The following EDA variants were observed in gnomAD, a reference collection of about 807,000 sequenced individuals.
EDA encodes the protein ectodysplasin-A.
EDA carries 2 observed loss-of-function variants against 23.6 expected under a neutral mutation model. The observed-to-expected ratio is 0.08, with a 90% CI of 0.03 to 0.27. EDA has a LOEUF of 0.27. Ranked by LOEUF, EDA falls within the 10% of genes least tolerant of loss-of-function variation. EDA has a pLI of 1.00. For synonymous variants in EDA, 131 were observed against 132.0 expected, an observed-to-expected ratio of 0.99 and a Z score of 0.05; for missense variants, 229 against 324.2, an observed-to-expected ratio of 0.71 and a Z score of 2.26.
intron 2 of EDA, among the ~76,000 whole-genome samples, chrX:69,971,733 G>A (rs900473739): frequency 2.8e-5 from 3 of 109,031 alleles, no homozygotes; most frequent in South Asian, 4.0e-4. Context: ...TGTGCTTCTC[G>A]CGTCTTCACA....
At chrX:69,741,828 C>T (rs1406816981) in intron 1 of EDA, among the ~76,000 whole-genome samples, 1 of 111,560 alleles carries the variant, frequency 9.0e-6, no homozygotes, top group African/African-American at 3.3e-5. Context: ...AGTAACCAGC[C>T]CTTTCTTAAT....
At chrX:69,979,119 C>T (rs1203013117) in intron 2 of EDA, among the ~76,000 whole-genome samples, 1 of 111,786 alleles carries the variant, frequency 8.9e-6, no homozygotes, top group East Asian at 2.8e-4. Context: ...TCTATGACTA[C>T]CTATTCTAGT....
intron 1 of EDA, among the ~76,000 whole-genome samples, chrX:69,872,340 C>CA (rs954388618): frequency 1.7e-4 from 19 of 111,269 alleles, no homozygotes; most frequent in African/African-American, 5.5e-4. Context: ...ATAACACAAA[C>CA]AAAAAAACAA....
intron 1 of EDA, among the ~76,000 whole-genome samples, chrX:69,710,054 T>G (rs757781804): frequency 2.2e-3 from 251 of 111,807 alleles, no homozygotes; most frequent in African/African-American, 7.3e-3. Context: ...TGGTGTTTTA[T>G]ACTTGAAGTC....
In EDA at chrX:69,630,185, G is replaced by T. The variant is rs181535462; in HGVS notation, c.396+13481G>T. On this transcript the variant is annotated intron_variant, in intron 1 of 7. Transcript: ENST00000374552. ...GTCTGTGTGAGGGAGTCAAGGAAGG[G>T]GAGGGGGAGAAAATGGAGGGACTGA... Among the ~76,000 whole-genome samples, 35 of 111,374 alleles carry T rather than the reference G, an allele frequency of 3.1e-4. No individual in the cohort carries two copies. In the East Asian group the frequency reaches 9.7e-3, roughly 31 times the overall value.
chrX:69,840,880 C>T (rs984500664), intron 1 of EDA, among the ~76,000 whole-genome samples: 2 of 111,603 alleles, frequency 1.8e-5, no homozygotes, highest in African/African-American at 6.5e-5. Context: ...GAGAGCCAAA[C>T]ACTGTGTGAA....
At chrX:69,730,011 TA>T (rs2012960042) in intron 1 of EDA, among the ~76,000 whole-genome samples, 1 of 111,748 alleles carries the variant, frequency 8.9e-6, no homozygotes, top group Admixed American at 9.6e-5. Context: ...TCCATTTATT[TA>T]TTCATTTGTT....
intron 1 of EDA, among the ~76,000 whole-genome samples, chrX:69,793,327 T>G: frequency 9.0e-6 from 1 of 110,844 alleles, no homozygotes; most frequent in East Asian, 2.8e-4. Context: ...TAAGATTTCT[T>G]TGGCTACAAG....
intron 1 of EDA, among the ~76,000 whole-genome samples, chrX:69,870,968 C>T (rs921709435): frequency 9.0e-6 from 1 of 111,295 alleles, no homozygotes; most frequent in Non-Finnish European, 1.9e-5. Flanking sequence ...TCACTTTTTC[C>T]ACTGAACTTA....
Position 69,937,889 on chromosome X carries a change from A to T in EDA, c.397-19138A>T. ...CAGTGGGTCTTGCAACCACACCTGGAAACTCGGTGTCCATAGCAACGTAAT... is the reference window on the plus strand; with the variant it reads ...CAGTGGGTCTTGCAACCACACCTGGTAACTCGGTGTCCATAGCAACGTAAT... On this transcript the variant is annotated intron_variant, in intron 1 of 7. Transcript: ENST00000374552. The T allele has an allele frequency of 7.5e-6, 9 of 1,199,898 alleles. No homozygotes were observed. The South Asian group carries it at 1.6e-4, about 21-fold the overall frequency.
At chrX:69,690,058 T>TG (rs1934665893) in intron 1 of EDA, among the ~76,000 whole-genome samples, 1 of 107,066 alleles carries the variant, frequency 9.3e-6, no homozygotes. Flanking sequence ...AGTAGGGTCT[T>TG]TGTGTGTGTG....
intron 1 of EDA, among the ~76,000 whole-genome samples, chrX:69,743,293 A>C (rs957680157): frequency 2.7e-5 from 3 of 111,901 alleles, no homozygotes; most frequent in Non-Finnish European, 5.6e-5. Context: ...GTATCACTGG[A>C]GAAATTGTCT....
chrX:69,714,423 A>C (rs1269413805), intron 1 of EDA, among the ~76,000 whole-genome samples: 1 of 111,646 alleles, frequency 9.0e-6, no homozygotes, highest in African/African-American at 3.2e-5. Context: ...CCAATTTATC[A>C]ATTTTTTCTT....
chrX:69,903,618 C>CAT (rs1177921931), intron 1 of EDA, among the ~76,000 whole-genome samples: 1 of 108,968 alleles, frequency 9.2e-6, no homozygotes, highest in African/African-American at 3.3e-5. Flanking sequence ...CACACACACA[C>CAT]ATATCTTGGG....
chrX:69,734,869 T>C (rs767107736), intron 1 of EDA, among the ~76,000 whole-genome samples: 13 of 111,447 alleles, frequency 1.2e-4, no homozygotes, highest in Non-Finnish European at 2.3e-4. Context: ...ACACAGAAAA[T>C]AGCATGTGTT....
At chrX:69,768,797 A>AT (rs1421847088) in intron 1 of EDA, among the ~76,000 whole-genome samples, 1 of 111,520 alleles carries the variant, frequency 9.0e-6, no homozygotes, top group African/African-American at 3.3e-5. Flanking sequence ...GGAGTCATTG[A>AT]TTTGAGAACT....
chrX:69,657,374 A>G (rs1476116098), intron 1 of EDA, among the ~76,000 whole-genome samples: 4 of 111,917 alleles, frequency 3.6e-5, no homozygotes, highest in Non-Finnish European at 7.5e-5. Context: ...GATTCTAGAT[A>G]TTAGTCTTTT....
At chrX:69,783,919 G>C (rs1321739052) in intron 1 of EDA, among the ~76,000 whole-genome samples, 1 of 103,989 alleles carries the variant, frequency 9.6e-6, no homozygotes, top group East Asian at 2.9e-4. Context: ...CAGTGTAAAA[G>C]TGTTCCTATT....
intron 1 of EDA, among the ~76,000 whole-genome samples, chrX:69,706,679 T>G (rs959267792): frequency 1.8e-5 from 2 of 112,101 alleles, no homozygotes; most frequent in South Asian, 3.7e-4. Flanking sequence ...ACAATTTTTC[T>G]AATTGGCAAT....
Sources: allele counts gnomAD v4.1 joint callset (sites outside exome capture counted in the v4.1 genomes callset), GRCh38; gene constraint gnomAD v4.1.1; transcripts MANE v1.5; gene names NCBI Gene and HGNC (gene_info 2026-07-23, HGNC 2026-07-21).